ITGB5: variants seen among roughly 807,000 people sequenced by gnomAD.
ITGB5 encodes the protein integrin subunit beta 5, also known as integrin beta-5.
ITGB5 carries 38 observed loss-of-function variants against 84.8 expected under a neutral mutation model. That is an observed-to-expected ratio of 0.45 (90% CI 0.35 to 0.59). ITGB5 has a LOEUF of 0.59. Ranked by LOEUF, ITGB5 falls within the 20% of genes least tolerant of loss-of-function variation. ITGB5 has a pLI of 0.01. For synonymous variants in ITGB5, 393 were observed against 414.4 expected (o/e 0.95, Z 0.63); for missense variants, 905 against 1,034.5 (o/e 0.87, Z 1.72).
chr3:124,860,633 C>T (rs1409956876), intron 2 of ITGB5, among the ~76,000 whole-genome samples: 1 of 152,172 alleles, frequency 6.6e-6, no homozygotes, highest in Non-Finnish European at 1.5e-5. Flanking sequence ...TCACCTTTTC[C>T]CTGGTGAATG....
rs753961930 is a variant in ITGB5 at position 124,859,367 on chromosome 3, A to C, written c.236T>G (p.Ile79Arg). 2 of 1,613,900 alleles carry C rather than the reference A, an allele frequency of 1.2e-6. No homozygotes were observed. The highest frequency in any genetic ancestry group is 1.7e-6 in the Non-Finnish European group (2 of 1,179,946). Reference sequence around the variant, plus strand: ...ATGGAAGCTGCTGGCTGGGCTCTCTATCTCACCTCCACAGCCATTTTTGAC... The same window carrying C: ...ATGGAAGCTGCTGGCTGGGCTCTCTCTCTCACCTCCACAGCCATTTTTGAC... ...NLVKNGCGGE[I>R]ESPASSFHVL... is the part of the protein sequence containing the mutation. The change falls in exon 3 of 15, where the codon ATA becomes AGA. Residue 79 changes from isoleucine (I) to arginine (R), a missense_variant. Ile to Arg is a moderately conservative substitution (Grantham distance 97). Coordinates refer to ENST00000296181, the MANE Select transcript of ITGB5 (RefSeq NM_002213.5).
rs1213283153 is a variant in ITGB5, at chr3:124,819,787, G to A, written c.990C>T (p.Asn330=). 7 of 1,613,966 alleles carry A rather than the reference G, an allele frequency of 4.3e-6. No homozygotes were observed. Among genetic ancestry groups the A allele is most frequent in the Middle Eastern group, 3.3e-4 (2 of 6,084 alleles). The change falls in exon 7 of 15, where the codon AAC becomes AAT. Residue 330 remains asparagine (N), a synonymous_variant. Transcript: ENST00000296181. ...ALLGEKLAEN[N]INLIFAVTKN... ...TTGTCACTGCAAAGATGAGGTTGAT[G>A]TTGTTCTCTGCCAATTTCTCTCCAA...
chr3:124,899,719 G>A (rs1935180533), intron 1 of ITGB5, among the ~76,000 whole-genome samples: 1 of 151,770 alleles, frequency 6.6e-6, no homozygotes, highest in Admixed American at 6.6e-5. Flanking sequence ...GCTGGGTGTG[G>A]TGGCATTCAC....
intron 1 of ITGB5, 122 bp from the exon 2 acceptor site, chr3:124,873,653 A>G (rs1396383398): frequency 3.9e-6 from 3 of 777,824 alleles, no homozygotes; most frequent in Non-Finnish European, 6.8e-6. Context: ...TAAAGGGTGC[A>G]GGTACCATTG....
At chr3:124,796,838 G>T in intron 9 of ITGB5, 21 bp from the exon 10 acceptor site, 1 of 1,570,570 alleles carries the variant, frequency 6.4e-7, no homozygotes, top group Non-Finnish European at 8.7e-7. Flanking sequence ...GGAAGAGAAG[G>T]GATATCATGG....
chr3:124,773,388 C>CAACA (rs1457990532), intron 11 of ITGB5, among the ~76,000 whole-genome samples: 1 of 152,200 alleles, frequency 6.6e-6, no homozygotes, highest in Non-Finnish European at 1.5e-5. Context: ...TTTTTGGTAC[C>CAACA]AACACCAATT....
chr3:124,861,491 T>C (rs1437762931), intron 2 of ITGB5, among the ~76,000 whole-genome samples: 1 of 76,350 alleles, frequency 1.3e-5, no homozygotes, highest in Middle Eastern at 6.2e-3. Flanking sequence ...CATATATATA[T>C]ATATACACAC....
At chr3:124,806,311 T>C (rs2064401117) in intron 9 of ITGB5, among the ~76,000 whole-genome samples, 1 of 152,194 alleles carries the variant, frequency 6.6e-6, no homozygotes, top group Non-Finnish European at 1.5e-5. Flanking sequence ...TTTGGGTATA[T>C]TTCCCACATT....
intron 10 of ITGB5, among the ~76,000 whole-genome samples, 182 bp from the exon 11 acceptor site, chr3:124,774,094 C>A (rs1172927335): frequency 1.3e-5 from 2 of 152,166 alleles, no homozygotes; most frequent in African/African-American, 2.4e-5. Context: ...CAGCAGGGGA[C>A]CCTGGCAGCG....
chr3:124,834,501 G>A (rs1445336921), intron 5 of ITGB5, among the ~76,000 whole-genome samples: 1 of 117,252 alleles, frequency 8.5e-6, no homozygotes, highest in Non-Finnish European at 1.7e-5. Flanking sequence ...AGGGAGGGAG[G>A]GAGAGGAGGG....
intron 2 of ITGB5, among the ~76,000 whole-genome samples, chr3:124,866,907 T>A: frequency 6.6e-6 from 1 of 152,228 alleles, no homozygotes; most frequent in East Asian, 1.9e-4. Flanking sequence ...AACAAATATT[T>A]ATGAAGTGTC....
At chr3:124,886,799 G>GC in intron 1 of ITGB5, 132 bp downstream of exon 1, 2 of 392,776 alleles carry the variant, frequency 5.1e-6, no homozygotes, top group Non-Finnish European at 8.1e-6. Flanking sequence ...CCAGCGACTG[G>GC]CCCACCAGGG....
chr3:124,812,594 G>T lies in ITGB5; in HGVS notation c.1129-3438C>A, dbSNP rs186509953. 1.4e-3 allele frequency among the ~76,000 whole-genome samples: 216 copies of T among 152,272 alleles called. 2 individuals carry two copies. Among genetic ancestry groups the T allele is most frequent in the African/African-American group, 5.2e-3 (215 of 41,564 alleles). ...AGCCCCCTCTGCACGTGTGGACCCAGGGCTCCACGGCTGAGCTCAGGAGGG... is the reference window on the plus strand; with the variant it reads ...AGCCCCCTCTGCACGTGTGGACCCATGGCTCCACGGCTGAGCTCAGGAGGG... On this transcript the variant is annotated intron_variant, in intron 8 of 14. Coordinates refer to ENST00000296181, the MANE Select transcript of ITGB5 (RefSeq NM_002213.5).
chr3:124,815,885 G>A (rs577066042), intron 8 of ITGB5, among the ~76,000 whole-genome samples: 1 of 152,274 alleles, frequency 6.6e-6, no homozygotes, highest in East Asian at 1.9e-4. Context: ...AAGGCACTAC[G>A]GTGTAAAGTT....
intron 9 of ITGB5, 34 bp downstream of exon 9, chr3:124,808,988 A>G: frequency 6.2e-7 from 1 of 1,606,952 alleles, no homozygotes; most frequent in Non-Finnish European, 8.5e-7. Flanking sequence ...ACCAATGCTA[A>G]CAAGAGTTCA....
At chr3:124,871,356 G>A (rs1218122370) in intron 2 of ITGB5, among the ~76,000 whole-genome samples, 4 of 152,066 alleles carry the variant, frequency 2.6e-5, no homozygotes, top group Non-Finnish European at 5.9e-5. Context: ...CACCACGCCT[G>A]GCTAATTTTT....
chr3:124,819,891 A>C (rs1579248200), intron 6 of ITGB5, 57 bp from the exon 7 acceptor site: 1 of 1,264,392 alleles, frequency 7.9e-7, no homozygotes, highest in South Asian at 1.2e-5. Flanking sequence ...AGATACCAGC[A>C]CCTGGCTCCA....
chr3:124,828,777 T>A (rs1350732639), intron 5 of ITGB5, among the ~76,000 whole-genome samples: 4 of 152,158 alleles, frequency 2.6e-5, no homozygotes, highest in Admixed American at 6.6e-5. Context: ...GCCACCACAC[T>A]GGGCCCAAAT....
At chr3:124,821,563 C>T (rs369170844) in intron 5 of ITGB5, 89 bp from the exon 6 acceptor site, 27 of 1,402,808 alleles carry the variant, frequency 1.9e-5, no homozygotes, top group African/African-American at 7.0e-5. Flanking sequence ...CCAGGAGTCA[C>T]GGCCTGAATC....
Sources: gnomAD v4.1 joint callset for allele counts (sites outside exome capture counted in the v4.1 genomes callset) on GRCh38, gnomAD v4.1.1 for gene constraint, MANE v1.5 for transcripts, NCBI Gene and HGNC (gene_info 2026-07-23, HGNC 2026-07-21) for gene names.